Variants in CEP290 observed in about 807,000 individuals in gnomAD.
CEP290 encodes the protein centrosomal protein of 290 kDa.
A neutral mutation model predicts 344.9 loss-of-function variants in CEP290; 317 were observed. The ratio of observed to expected loss-of-function variants is 0.92; its 90% CI spans 0.84 to 1.01. The LOEUF (loss-of-function observed/expected upper bound fraction) is 1.01, where lower values mean the gene tolerates loss of function less well. CEP290 is among the 50% of genes least tolerant of loss of function. The pLI, the probability that CEP290 is intolerant of heterozygous loss-of-function variation, is 0.00. For synonymous variants in CEP290, 932 were observed against 895.8 expected, an observed-to-expected ratio of 1.04 and a Z score of -0.72; for missense variants, 2,754 against 2,761.4, an observed-to-expected ratio of 1.00 and a Z score of 0.06.
chr12:88,126,200 A>G (rs1301182004), intron 12 of CEP290, 116 bp downstream of exon 12: 2 of 759,702 alleles, frequency 2.6e-6, no homozygotes, highest in African/African-American at 3.7e-5. Flanking sequence ...ATTATTATAC[A>G]CTTGGTAGTA....
intron 26 of CEP290, among the ~76,000 whole-genome samples, chr12:88,098,714 C>T (rs2037648508): frequency 6.6e-6 from 1 of 152,048 alleles, no homozygotes; most frequent in Admixed American, 6.6e-5. Context: ...ATGTCTTAAC[C>T]ACCAAATAAT....
chr12:88,087,355 AAAAC>A (rs990412379), intron 32 of CEP290, among the ~76,000 whole-genome samples: 20 of 152,202 alleles, frequency 1.3e-4, no homozygotes, highest in Non-Finnish European at 2.9e-5. Flanking sequence ...TAGAAAATAA[AAAAC>A]AAATTATTAT....
chr12:88,130,670 A>T, intron 7 of CEP290, 105 bp from the exon 8 acceptor site: 1 of 852,740 alleles, frequency 1.2e-6, no homozygotes, highest in South Asian at 2.1e-5. Context: ...TGGGAAAATG[A>T]TGCATATTAT....
chr12:88,104,148 T>C (rs759479284), intron 25 of CEP290: 1 of 152,086 alleles, frequency 6.6e-6, no homozygotes, highest in Non-Finnish European at 1.5e-5. Flanking sequence ...AAATATCACT[T>C]ATATTTATTA....
chr12:88,106,146 A>G (rs1187227842), intron 25 of CEP290, among the ~76,000 whole-genome samples: 3 of 152,220 alleles, frequency 2.0e-5, no homozygotes, highest in Admixed American at 2.0e-4. Flanking sequence ...ATAGAACACT[A>G]CTTATGAAGT....
chr12:88,127,615 A>C (rs1350533812), intron 11 of CEP290, among the ~76,000 whole-genome samples: 1 of 152,212 alleles, frequency 6.6e-6, no homozygotes, highest in African/African-American at 2.4e-5. Flanking sequence ...AAATTTAACT[A>C]AGCATAAAAA....
rs1350918218 is a variant in CEP290, at chr12:88,132,343, C to G, written c.442-1125G>C. 2.0e-5 allele frequency among the ~76,000 whole-genome samples: 3 copies of G among 152,054 alleles called. No individual in the cohort carries two copies. The East Asian group carries it at 5.8e-4, about 29-fold the overall frequency. ...ATTTAAAAAGTCTATAATAAAGAACCAAATGTAGTATGTGATCCTTGACAG... is the reference window on the plus strand; with the variant it reads ...ATTTAAAAAGTCTATAATAAAGAACGAAATGTAGTATGTGATCCTTGACAG... On this transcript the variant is annotated intron_variant, in intron 6 of 53. Coordinates refer to ENST00000552810, the MANE Select transcript of CEP290 (RefSeq NM_025114.4).
At chr12:88,086,232 A>C (rs1256560136) in intron 33 of CEP290, 59 bp from the exon 34 acceptor site, 5 of 1,576,750 alleles carry the variant, frequency 3.2e-6, no homozygotes, top group Non-Finnish European at 3.4e-6. Flanking sequence ...GTAACTATTA[A>C]TTTTTACAGC....
At position 88,060,917 on chromosome 12, in the gene CEP290, C is replaced by G. The variant is rs1308226735; in HGVS notation, c.6435G>C (p.Gln2145His). 6.4e-7 allele frequency: 1 copy of G among 1,555,766 alleles called. No individual in the cohort carries two copies. The highest frequency in any genetic ancestry group is 1.7e-4 in the Middle Eastern group (1 of 5,980). Residue 2145 changes from glutamine to histidine, a missense_variant, in exon 47 of 54, where the codon CAG becomes CAC. Transcript: ENST00000552810. ...GLMKKVVEKV[Q>H]RENEQLKKAS... ...CTTTTTTCAACTGTTCATTTTCTCT[C>G]TGGACTTTTTCAACTACTTTTTTCA...
intron 49 of CEP290, chr12:88,058,068 A>C (rs1592733318): frequency 6.6e-6 from 1 of 152,282 alleles, no homozygotes; most frequent in Non-Finnish European, 1.5e-5. Context: ...CACAGGCAGG[A>C]TCCCACTGGT....
rs771020050 is a variant in CEP290 at position 88,127,986 on chromosome 12, T to C, written c.942+960A>G. ...CACCATTTACCCTGCCAACATTCAA[T>C]CTGGTAAAGACAACTGTTTTTTCCA... On this transcript the variant is annotated intron_variant, in intron 11 of 53. Transcript: ENST00000552810. Among the ~76,000 whole-genome samples, 7 of 152,282 alleles carry C rather than the reference T, an allele frequency of 4.6e-5. No homozygotes were observed. The South Asian group carries it at 8.3e-4, about 18-fold the overall frequency.
chr12:88,079,011 A>G, intron 39 of CEP290, 81 bp downstream of exon 39: 2 of 1,266,940 alleles, frequency 1.6e-6, no homozygotes, highest in Non-Finnish European at 2.1e-6. Context: ...TTCATCAACA[A>G]AATTACTATA....
intron 45 of CEP290, 133 bp from the exon 46 acceptor site, chr12:88,062,911 A>G (rs2034588982): frequency 1.7e-6 from 1 of 591,716 alleles, no homozygotes; most frequent in African/African-American, 1.9e-5. Context: ...CTCTATATTA[A>G]CAAGGAAGAT....
At position 88,109,182 on chromosome 12, in the gene CEP290, C is replaced by A. The variant is rs2137665576; in HGVS notation, c.2368-1G>T. 1 of 1,018,472 alleles carries A rather than the reference C, an allele frequency of 9.8e-7. No individual in the cohort carries two copies. 63.1% of individuals were successfully genotyped at this position (1,018,472 alleles called of 1,614,324 possible). A position where few individuals can be genotyped will look rare whatever the true frequency, so the allele number is the denominator to read the frequency against. ...ACTTTTTTTCTTTATTTTCTAGTTCCTGAAAAGTGGTTTAGAAATAAGAAT... is the reference window on the plus strand; with the variant it reads ...ACTTTTTTTCTTTATTTTCTAGTTCATGAAAAGTGGTTTAGAAATAAGAAT... On this transcript the variant is annotated splice_acceptor_variant, in intron 22 of 53. Coordinates refer to ENST00000552810, the MANE Select transcript of CEP290 (RefSeq NM_025114.4). LOFTEE classifies it high-confidence loss of function.
chr12:88,115,221 C>T (rs765901315), intron 18 of CEP290, 39 bp from the exon 19 acceptor site: 8 of 1,017,540 alleles, frequency 7.9e-6, no homozygotes, highest in Non-Finnish European at 1.2e-5. Flanking sequence ...TTTTTTTCAA[C>T]AAAATATCAC....
intron 6 of CEP290, among the ~76,000 whole-genome samples, chr12:88,132,965 T>C (rs534766833): frequency 2.0e-5 from 3 of 152,226 alleles, no homozygotes; most frequent in African/African-American, 7.2e-5. Context: ...CTCCCACTTA[T>C]AAGTGAGAAC....
intron 2 of CEP290, 38 bp downstream of exon 2, chr12:88,141,168 T>C: frequency 7.4e-7 from 1 of 1,359,102 alleles, no homozygotes; most frequent in Admixed American, 2.5e-5. Flanking sequence ...TAATCATAAG[T>C]TAATGTATAT....
Position 88,062,797 on chromosome 12 carries a change from A to T in CEP290, c.6271-19T>A. 6.9e-7 allele frequency: 1 copy of T among 1,457,746 alleles called. No individual in the cohort carries two copies. The highest frequency in any genetic ancestry group is 2.4e-5 in the East Asian group (1 of 42,064). The allele number at this position is 1,457,746 out of a possible 1,614,324, so 90.3% of individuals were successfully genotyped here. On this transcript the variant is annotated intron_variant, in intron 45 of 53. Coordinates refer to ENST00000552810, the MANE Select transcript of CEP290 (RefSeq NM_025114.4). ...CTTGATTCTGAAAGATAACAAGCAA[A>T]CATGTAATAATTTAACATAGCTACA...
intron 33 of CEP290, 92 bp from the exon 34 acceptor site, chr12:88,086,265 A>C (rs1413056734): frequency 6.7e-7 from 1 of 1,489,032 alleles, no homozygotes; most frequent in Non-Finnish European, 9.1e-7. Context: ...CATAGATTAA[A>C]CCCCTCTTAT....
Sources: gnomAD v4.1 joint callset for allele counts (sites outside exome capture counted in the v4.1 genomes callset) on GRCh38, gnomAD v4.1.1 for gene constraint, MANE v1.5 for transcripts, NCBI Gene and HGNC (gene_info 2026-07-23, HGNC 2026-07-21) for gene names.